PPARGC1A: variants seen among roughly 807,000 people sequenced by gnomAD.
The protein encoded by PPARGC1A is PPARG coactivator 1 alpha, also known as peroxisome proliferator-activated receptor gamma coactivator 1-alpha.
PPARGC1A carries 25 observed loss-of-function variants against 88.7 expected under a neutral mutation model. The observed-to-expected ratio is 0.28, with a 90% CI of 0.21 to 0.39. The LOEUF is 0.39. PPARGC1A is among the 10% of genes least tolerant of loss of function. The probability of loss-of-function intolerance (pLI) is 1.00; values close to 1 mark genes in which losing one functional copy is unlikely to be tolerated. For synonymous variants in PPARGC1A, 363 were observed against 355.6 expected (o/e 1.02, Z -0.24); for missense variants, 880 against 968.7 (o/e 0.91, Z 1.22).
At chr4:24,022,409 G>A in the PPARGC1A span, among the ~76,000 whole-genome samples, 2 of 152,000 alleles carry the variant, frequency 1.3e-5, no homozygotes, top group South Asian at 2.1e-4. Flanking sequence ...CATACATATC[G>A]GTTACTTACT....
the PPARGC1A span, among the ~76,000 whole-genome samples, chr4:24,174,063 G>A: frequency 6.6e-6 from 1 of 152,198 alleles, no homozygotes; most frequent in Admixed American, 6.5e-5. Flanking sequence ...AGGCAGCTGA[G>A]CCACGCTGTG....
chr4:24,281,429 G>A, the PPARGC1A span, among the ~76,000 whole-genome samples: 1 of 152,222 alleles, frequency 6.6e-6, no homozygotes, highest in South Asian at 2.1e-4. Context: ...GGATCTCACA[G>A]AGAGAAGAGT....
At chr4:24,264,873 TA>T in the PPARGC1A span, among the ~76,000 whole-genome samples, 11 of 152,036 alleles carry the variant, frequency 7.2e-5, no homozygotes, top group East Asian at 1.9e-4. Context: ...AGGTGTTACT[TA>T]AAAAAAAGAG....
At chr4:24,088,177 C>T in the PPARGC1A span, among the ~76,000 whole-genome samples, 4 of 151,636 alleles carry the variant, frequency 2.6e-5, no homozygotes, top group African/African-American at 9.7e-5. Context: ...AGAGAGATCC[C>T]AATATACAAC....
At chr4:24,270,281 A>T in the PPARGC1A span, among the ~76,000 whole-genome samples, 2 of 151,710 alleles carry the variant, frequency 1.3e-5, no homozygotes, top group South Asian at 2.1e-4. Flanking sequence ...ACAATCACAT[A>T]AGTCAATCCC....
chr4:24,470,787 G>A, the PPARGC1A span, among the ~76,000 whole-genome samples: 1 of 151,766 alleles, frequency 6.6e-6, no homozygotes, highest in Admixed American at 6.5e-5. This position sits in a 1 kb window ranked among gnomAD's most constrained non-coding sequence, Gnocchi z 5.8. Context: ...GCGGCGGCGG[G>A]AGCCTCTCCA....
At chr4:23,818,229 T>C (rs57223589) in intron 7 of PPARGC1A, among the ~76,000 whole-genome samples, 65 of 152,278 alleles carry the variant, frequency 4.3e-4, no homozygotes, top group African/African-American at 1.6e-3. Context: ...ATGCTCTCTC[T>C]TGAACTTAGC....
At chr4:23,864,343 A>T (rs931759897) in intron 2 of PPARGC1A, among the ~76,000 whole-genome samples, 1 of 152,218 alleles carries the variant, frequency 6.6e-6, no homozygotes, top group African/African-American at 2.4e-5. Context: ...GCATCCCCAA[A>T]GGAAGGGAAT....
chr4:24,181,370 A>G, the PPARGC1A span, among the ~76,000 whole-genome samples: 1 of 152,180 alleles, frequency 6.6e-6, no homozygotes, highest in African/African-American at 2.4e-5. Context: ...TAGTTTTCCC[A>G]CGAATAGATA....
the PPARGC1A span, among the ~76,000 whole-genome samples, chr4:23,974,799 A>ATTTTTTTTTTTTTT: frequency 3.2e-3 from 193 of 61,104 alleles, 11 homozygotes; most frequent in South Asian, 8.2e-3. Flanking sequence ...GGCCCGGCTA[A>ATTTTTTTTTTTTTT]TTTTTTTTTT....
chr4:24,323,310 C>G, the PPARGC1A span, among the ~76,000 whole-genome samples: 2 of 152,182 alleles, frequency 1.3e-5, no homozygotes, highest in South Asian at 4.1e-4. Flanking sequence ...CCAAGCCAAG[C>G]CATCGCATCC....
At chr4:24,153,437 T>C in the PPARGC1A span, among the ~76,000 whole-genome samples, 1 of 151,770 alleles carries the variant, frequency 6.6e-6, no homozygotes, top group Non-Finnish European at 1.5e-5. Flanking sequence ...ATAGTGTAGA[T>C]TGGTGTTCCA....
chr4:23,824,221 A>T (rs1363100792), intron 7 of PPARGC1A, 59 bp downstream of exon 7: 1 of 1,286,680 alleles, frequency 7.8e-7, no homozygotes, highest in African/African-American at 1.5e-5. Context: ...TTATCTTATT[A>T]CACACACACA....
At chr4:24,294,443 A>G in the PPARGC1A span, among the ~76,000 whole-genome samples, 1 of 152,206 alleles carries the variant, frequency 6.6e-6, no homozygotes, top group East Asian at 1.9e-4. Context: ...CTCTGGGGTT[A>G]AATCTTGCTT....
the PPARGC1A span, among the ~76,000 whole-genome samples, chr4:24,015,770 G>A: frequency 1.3e-5 from 2 of 152,272 alleles, no homozygotes; most frequent in African/African-American, 2.4e-5. Context: ...CTTGTACAAA[G>A]CCGCTCAGAG....
the PPARGC1A span, among the ~76,000 whole-genome samples, chr4:24,211,151 G>A: frequency 6.6e-6 from 1 of 152,158 alleles, no homozygotes; most frequent in Non-Finnish European, 1.5e-5. Flanking sequence ...GCACGTGCAT[G>A]GCTCATAGTA....
the PPARGC1A span, among the ~76,000 whole-genome samples, chr4:24,312,925 GA>G: frequency 4.7e-5 from 7 of 148,692 alleles, no homozygotes; most frequent in East Asian, 3.9e-4. Flanking sequence ...TTACCATAAA[GA>G]AAAAAAAACA....
chr4:24,157,709 A>T, the PPARGC1A span, among the ~76,000 whole-genome samples: 1 of 151,952 alleles, frequency 6.6e-6, no homozygotes, highest in Non-Finnish European at 1.5e-5. Flanking sequence ...TCCATATTCC[A>T]AGAGCTCTGC....
the PPARGC1A span, among the ~76,000 whole-genome samples, chr4:24,019,302 T>C: frequency 1.3e-5 from 2 of 152,296 alleles, no homozygotes; most frequent in South Asian, 4.1e-4. Context: ...TATTGAGGTG[T>C]TACTTTATGT....
Sources: gnomAD v4.1 joint callset for allele counts (sites outside exome capture counted in the v4.1 genomes callset) on GRCh38, gnomAD v4.1.1 for gene constraint, Gnocchi (gnomAD v3.1) non-coding constraint, MANE v1.5 for transcripts, NCBI Gene and HGNC (gene_info 2026-07-23, HGNC 2026-07-21) for gene names.